Variants in MARCHF1 observed in about 807,000 individuals in gnomAD.
MARCHF1 encodes E3 ubiquitin-protein ligase MARCHF1.
In MARCHF1, 40 loss-of-function variants were observed where a neutral mutation model predicts 54.2. That is an observed-to-expected ratio of 0.74 (90% CI 0.57 to 0.96). The LOEUF (loss-of-function observed/expected upper bound fraction) is 0.96, where lower values mean the gene tolerates loss of function less well. Ranked by LOEUF, MARCHF1 falls within the 40% of genes least tolerant of loss-of-function variation. The probability of loss-of-function intolerance (pLI) is 0.00; values close to 1 mark genes in which losing one functional copy is unlikely to be tolerated. For missense variants in MARCHF1, 586 were observed against 656.5 expected (o/e 0.89, Z 1.17); for synonymous variants, 236 against 236.3 (o/e 1.00, Z 0.01).
intron 1 of MARCHF1, chr4:164,188,965 G>C: frequency 1.4e-6 from 1 of 733,138 alleles, no homozygotes; most frequent in Admixed American, 1.8e-5. Context: ...TAAATGTTAT[G>C]AGGATCATTA....
At chr4:164,357,690 A>G (rs1730601744) in intron 1 of MARCHF1, among the ~76,000 whole-genome samples, 1 of 152,196 alleles carries the variant, frequency 6.6e-6, no homozygotes, top group Non-Finnish European at 1.5e-5. Flanking sequence ...GAAGAAAATC[A>G]GAATCTTATA....
chr4:164,211,331 G>GTATGTATATATA (rs1553992061), intron 1 of MARCHF1, among the ~76,000 whole-genome samples: 2 of 115,960 alleles, frequency 1.7e-5, no homozygotes, highest in Non-Finnish European at 4.2e-5. Flanking sequence ...ATGTATGTAT[G>GTATGTATATATA]TATATATATA....
At chr4:164,143,297 G>A (rs1221105828) in intron 1 of MARCHF1, among the ~76,000 whole-genome samples, 2 of 147,288 alleles carry the variant, frequency 1.4e-5, no homozygotes, top group Admixed American at 6.8e-5. Flanking sequence ...GCAGGCCAAC[G>A]TTCAGATTCA....
At chr4:164,054,776 T>G (rs1410309463) in intron 2 of MARCHF1, among the ~76,000 whole-genome samples, 9 of 91,460 alleles carry the variant, frequency 9.8e-5, no homozygotes, top group East Asian at 7.0e-4. Flanking sequence ...TGGGGACTGT[T>G]GTGGGGTGGG....
chr4:163,808,861 GCC>G (rs1021876905), intron 4 of MARCHF1, among the ~76,000 whole-genome samples: 15 of 152,148 alleles, frequency 9.9e-5, no homozygotes, highest in Admixed American at 9.8e-4. Flanking sequence ...GAGCCACCGT[GCC>G]CGGCCTGGAA....
intron 5 of MARCHF1, among the ~76,000 whole-genome samples, chr4:163,653,859 T>G (rs1156759128): frequency 1.3e-5 from 2 of 151,728 alleles, no homozygotes; most frequent in African/African-American, 2.4e-5. Context: ...TAGTTGGATA[T>G]ATAATATTGG....
chr4:163,897,521 C>T (rs1354079860), intron 3 of MARCHF1, among the ~76,000 whole-genome samples: 1 of 152,068 alleles, frequency 6.6e-6, no homozygotes, highest in Non-Finnish European at 1.5e-5. Context: ...CAAAAATAGA[C>T]ACATAGGTAC....
chr4:164,113,252 C>T (rs1219781138), intron 1 of MARCHF1, among the ~76,000 whole-genome samples: 2 of 151,880 alleles, frequency 1.3e-5, no homozygotes, highest in Non-Finnish European at 2.9e-5. Context: ...CAAACAGGAA[C>T]AAGAAACTCC....
chr4:164,360,040 A>G (rs1730679954), intron 1 of MARCHF1, among the ~76,000 whole-genome samples: 1 of 152,094 alleles, frequency 6.6e-6, no homozygotes, highest in Non-Finnish European at 1.5e-5. Context: ...CGCAATCAGT[A>G]TGCGGGCAGG....
intron 2 of MARCHF1, among the ~76,000 whole-genome samples, chr4:164,036,411 G>A (rs899241811): frequency 7.2e-5 from 11 of 152,076 alleles, no homozygotes; most frequent in African/African-American, 2.4e-4. Flanking sequence ...ATTGAGTTGG[G>A]AAGCTGTAAA....
chr4:163,724,310 G>A (rs187843583), intron 4 of MARCHF1, among the ~76,000 whole-genome samples: 78 of 152,356 alleles, frequency 5.1e-4, no homozygotes, highest in African/African-American at 1.8e-3. Context: ...ATAAGCAGCA[G>A]AGGCTGCAGA....
At chr4:163,985,632 G>A (rs932329942) in intron 3 of MARCHF1, among the ~76,000 whole-genome samples, 1 of 151,716 alleles carries the variant, frequency 6.6e-6, no homozygotes. Context: ...TCTTCATATG[G>A]CTTAAGAAAT....
chr4:163,633,144 GA>G (rs1428928580), intron 5 of MARCHF1, among the ~76,000 whole-genome samples: 2 of 152,108 alleles, frequency 1.3e-5, no homozygotes, highest in African/African-American at 4.8e-5. Flanking sequence ...CAAAGATGGG[GA>G]AAAAACAGAA....
intron 4 of MARCHF1, among the ~76,000 whole-genome samples, chr4:163,749,031 A>G (rs1485743342): frequency 1.3e-5 from 2 of 152,106 alleles, no homozygotes; most frequent in Admixed American, 6.6e-5. Context: ...CCTTTTCTTT[A>G]GTCTATAAAT....
intron 3 of MARCHF1, among the ~76,000 whole-genome samples, chr4:163,914,595 T>C (rs895342599): frequency 6.6e-6 from 1 of 152,268 alleles, no homozygotes; most frequent in East Asian, 1.9e-4. Context: ...GGCTAGTTTT[T>C]TGAGTACAAG....
rs111629581 is a variant in MARCHF1, at chr4:163,623,168, G to C, written c.163-9775C>G. 4.0e-4 allele frequency among the ~76,000 whole-genome samples: 61 copies of C among 152,284 alleles called. 1 individual carries two copies. Among genetic ancestry groups the C allele is most frequent in the African/African-American group, 1.4e-3 (59 of 41,566 alleles). Reference sequence around the variant, plus strand: ...AGATCCAAGAGAAGTTTTGTTGGCAGCGCAGACTGAAGCACTAGGATCAGG... The same window carrying C: ...AGATCCAAGAGAAGTTTTGTTGGCACCGCAGACTGAAGCACTAGGATCAGG... On this transcript the variant is annotated intron_variant, in intron 5 of 9. Transcript: ENST00000514618.
intron 1 of MARCHF1, chr4:164,135,541 T>A (rs1756382979): frequency 6.6e-6 from 1 of 151,788 alleles, no homozygotes. Context: ...CAGAGAAGGG[T>A]GGAAAAGCCT....
rs557340141 is a variant in MARCHF1, at chr4:163,656,423, C to T, written c.163-43030G>A. Among the ~76,000 whole-genome samples, 3 of 151,818 alleles carry T rather than the reference C, an allele frequency of 2.0e-5. No individual in the cohort carries two copies. The South Asian group carries it at 6.2e-4, about 32-fold the overall frequency. ...ATTGAGGCAGTAATTAATAGCCTAC[C>T]AACCAAAAAACCCCAGGACCAGACA... On this transcript the variant is annotated intron_variant, in intron 5 of 9. Transcript: ENST00000514618.
intron 1 of MARCHF1, among the ~76,000 whole-genome samples, chr4:164,131,839 G>A (rs150362018): frequency 3.9e-5 from 6 of 152,194 alleles, no homozygotes; most frequent in African/African-American, 1.4e-4. Flanking sequence ...CTTACATGAA[G>A]TCTGTGTATT....
Sources: gnomAD v4.1 joint callset for allele counts (sites outside exome capture counted in the v4.1 genomes callset) on GRCh38, gnomAD v4.1.1 for gene constraint, MANE v1.5 for transcripts, NCBI Gene and HGNC (gene_info 2026-07-23, HGNC 2026-07-21) for gene names.